KIF6: variants seen among roughly 807,000 people sequenced by gnomAD.
KIF6 encodes the protein kinesin-like protein KIF6.
A neutral mutation model predicts 112.7 loss-of-function variants in KIF6; 106 were observed. The observed-to-expected ratio is 0.94, with a 90% confidence interval of 0.80 to 1.11. The LOEUF (loss-of-function observed/expected upper bound fraction) is 1.11. Ranked by LOEUF, KIF6 falls within the 50% of genes least tolerant of loss-of-function variation. KIF6 has a pLI of 0.00. For missense variants in KIF6, 929 were observed against 964.0 expected, an observed-to-expected ratio of 0.96 and a Z score of 0.48; for synonymous variants, 339 against 339.9, an observed-to-expected ratio of 1.00 and a Z score of 0.03.
At chr6:39,401,304 T>C (rs541785075) in intron 15 of KIF6, among the ~76,000 whole-genome samples, 1 of 152,354 alleles carries the variant, frequency 6.6e-6, no homozygotes, top group Admixed American at 6.5e-5. Context: ...CCATCTGAGT[T>C]ATCTCAGAGG....
intron 13 of KIF6, among the ~76,000 whole-genome samples, chr6:39,533,820 G>T (rs1377248475): frequency 2.0e-5 from 3 of 152,186 alleles, no homozygotes; most frequent in Non-Finnish European, 4.4e-5. Flanking sequence ...CCCAATAGGG[G>T]CAGACTGACA....
chr6:39,629,814 T>G (rs1784269707), intron 5 of KIF6, among the ~76,000 whole-genome samples: 1 of 152,048 alleles, frequency 6.6e-6, no homozygotes, highest in Non-Finnish European at 1.5e-5. Flanking sequence ...GACTTATAGT[T>G]TTGCATGGTA....
intron 16 of KIF6, among the ~76,000 whole-genome samples, chr6:39,379,069 C>T (rs1362116772): frequency 1.3e-5 from 2 of 152,168 alleles, no homozygotes; most frequent in Non-Finnish European, 2.9e-5. Flanking sequence ...GTCCTTTATA[C>T]AAGGATCCGC....
intron 7 of KIF6, among the ~76,000 whole-genome samples, chr6:39,586,678 A>T (rs1781656768): frequency 6.6e-6 from 1 of 152,212 alleles, no homozygotes; most frequent in African/African-American, 2.4e-5. Flanking sequence ...ATACACTATT[A>T]TTCTGTTTTT....
At chr6:39,620,396 T>G (rs1242267359) in intron 5 of KIF6, 2 of 152,236 alleles carry the variant, frequency 1.3e-5, no homozygotes, top group East Asian at 3.8e-4. Flanking sequence ...CCTATAAGAA[T>G]AGATACATCT....
chr6:39,349,631 C>CTT lies in KIF6; in HGVS notation c.2181-3107_2181-3106dup, dbSNP rs58810898. Among the ~76,000 whole-genome samples, 567 of 64,550 alleles carry CTT rather than the reference C, an allele frequency of 8.8e-3. 66 individuals carry two copies. Among genetic ancestry groups the CTT allele is most frequent in the Middle Eastern group, 0.015 (1 of 68 alleles). The allele number at this position is 64,550 out of a possible 152,430, so 42.3% of individuals were successfully genotyped here. On this transcript the variant is annotated intron_variant, in intron 19 of 22. Coordinates refer to ENST00000287152, the MANE Select transcript of KIF6 (RefSeq NM_145027.6). Reference sequence around the variant, plus strand: ...GAAGGTCTAGGTTTAATTTGTGGCTCTTTTTTTTTTTTTTTTTTTTTTTTT... The same window carrying CTT: ...GAAGGTCTAGGTTTAATTTGTGGCTCTTTTTTTTTTTTTTTTTTTTTTTTTTT...
intron 13 of KIF6, among the ~76,000 whole-genome samples, chr6:39,453,434 A>T (rs1476258914): frequency 6.6e-6 from 1 of 152,234 alleles, no homozygotes; most frequent in African/African-American, 2.4e-5. Flanking sequence ...ACTGAAGAAG[A>T]TACCATAAGC....
At position 39,431,424 on chromosome 6, in the gene KIF6, C is replaced by T. The variant is rs116664252; in HGVS notation, c.1646-263G>A. 0.012 allele frequency: 4,257 copies of T among 342,734 alleles called. 157 individuals carry two copies. Among genetic ancestry groups the T allele is most frequent in the African/African-American group, 0.081 (3,894 of 47,954 alleles). The allele number at this position is 342,734 out of a possible 1,614,324, so 21.2% of individuals were successfully genotyped here. A position where few individuals can be genotyped will look rare whatever the true frequency, so the allele number is the denominator to read the frequency against. ...GGGGGCGGGGTTTGGAATGCCTGCT[C>T]GGGGGAAATGAAAACCACAGCGCCA... On this transcript the variant is annotated intron_variant, in intron 13 of 22. Transcript: ENST00000287152.
intron 15 of KIF6, among the ~76,000 whole-genome samples, chr6:39,411,321 A>C (rs1478251025): frequency 6.6e-6 from 1 of 152,194 alleles, no homozygotes; most frequent in African/African-American, 2.4e-5. Context: ...TCCAGCTCCT[A>C]TTACAGCTTG....
intron 10 of KIF6, among the ~76,000 whole-genome samples, chr6:39,568,950 C>T (rs1005060474): frequency 1.4e-5 from 2 of 145,902 alleles, no homozygotes; most frequent in Non-Finnish European, 3.0e-5. Flanking sequence ...GTAGGCCTTT[C>T]TCTCTCTCTC....
At chr6:39,476,886 GGGAA>G (rs2150448881) in intron 13 of KIF6, among the ~76,000 whole-genome samples, 1 of 152,228 alleles carries the variant, frequency 6.6e-6, no homozygotes, top group South Asian at 2.1e-4. Context: ...TGCTTCTTGA[GGGAA>G]GGATCACATA....
chr6:39,615,971 T>G (rs887245836), intron 5 of KIF6, among the ~76,000 whole-genome samples: 2 of 152,168 alleles, frequency 1.3e-5, no homozygotes, highest in Non-Finnish European at 2.9e-5. Context: ...ATAGGGTTTA[T>G]ATAATTACTG....
intron 13 of KIF6, among the ~76,000 whole-genome samples, chr6:39,501,482 G>C (rs901368369): frequency 1.3e-5 from 2 of 152,074 alleles, no homozygotes; most frequent in African/African-American, 4.8e-5. Flanking sequence ...GGCTGAGATG[G>C]CTGAAATGAC....
At chr6:39,585,573 C>A (rs1423196996) in intron 8 of KIF6, among the ~76,000 whole-genome samples, 1 of 152,198 alleles carries the variant, frequency 6.6e-6, no homozygotes, top group Non-Finnish European at 1.5e-5. Context: ...TAAGTGGCAG[C>A]TGGTATAGTA....
At chr6:39,709,948 C>T (rs1189526878) in intron 3 of KIF6, among the ~76,000 whole-genome samples, 1 of 152,134 alleles carries the variant, frequency 6.6e-6, no homozygotes, top group East Asian at 1.9e-4. Flanking sequence ...GCATAAATGA[C>T]ACTTTATTTT....
chr6:39,648,977 T>C (rs1388289484), intron 3 of KIF6, among the ~76,000 whole-genome samples: 1 of 144,990 alleles, frequency 6.9e-6, no homozygotes, highest in African/African-American at 2.6e-5. Context: ...CTGGTCAACA[T>C]AGCAAGACCC....
intron 5 of KIF6, among the ~76,000 whole-genome samples, chr6:39,631,369 T>C (rs1784344003): frequency 6.6e-6 from 1 of 152,138 alleles, no homozygotes; most frequent in African/African-American, 2.4e-5. Context: ...TTTCTGATCT[T>C]AGGAGGAAAA....
chr6:39,467,083 A>G (rs1212223112), intron 13 of KIF6, among the ~76,000 whole-genome samples: 1 of 152,208 alleles, frequency 6.6e-6, no homozygotes, highest in Non-Finnish European at 1.5e-5. Context: ...GCTTTCCCCA[A>G]GGAACTGAGG....
At chr6:39,366,585 G>A (rs545641219) in intron 16 of KIF6, among the ~76,000 whole-genome samples, 2 of 152,168 alleles carry the variant, frequency 1.3e-5, no homozygotes, top group African/African-American at 4.8e-5. Flanking sequence ...GCCTCTAAGT[G>A]GGGGGACATT....
Sources: allele counts gnomAD v4.1 joint callset (sites outside exome capture counted in the v4.1 genomes callset), GRCh38; gene constraint gnomAD v4.1.1; transcripts MANE v1.5; gene names NCBI Gene and HGNC (gene_info 2026-07-23, HGNC 2026-07-21).